GOLGA1: variants seen among roughly 807,000 people sequenced by gnomAD.
The protein encoded by GOLGA1 is golgin A1, also known as golgin subfamily A member 1.
GOLGA1 carries 63 observed loss-of-function variants against 119.7 expected under a neutral mutation model. The ratio of observed to expected loss-of-function variants is 0.53; its 90% CI spans 0.43 to 0.65. The LOEUF (loss-of-function observed/expected upper bound fraction) is 0.65, where lower values mean the gene tolerates loss of function less well. Among genes scored for constraint, GOLGA1 ranks in the 30% least tolerant of loss-of-function variants. GOLGA1 has a pLI of 0.00. For synonymous variants in GOLGA1, 318 were observed against 333.4 expected, an observed-to-expected ratio of 0.95 and a Z score of 0.50; for missense variants, 798 against 912.8, an observed-to-expected ratio of 0.87 and a Z score of 1.62.
At chr9:124,926,800 T>C in intron 6 of GOLGA1, 59 bp from the exon 7 acceptor site, 2 of 890,910 alleles carry the variant, frequency 2.2e-6, no homozygotes, top group East Asian at 5.6e-5. Context: ...AATACCAAGA[T>C]TTTCAGAAAA....
At chr9:124,905,077 C>T (rs1161079175) in intron 12 of GOLGA1, among the ~76,000 whole-genome samples, 2 of 150,446 alleles carry the variant, frequency 1.3e-5, no homozygotes, top group South Asian at 2.1e-4. Flanking sequence ...GCCTGGGAGG[C>T]GGAGGTTGTG....
intron 19 of GOLGA1, among the ~76,000 whole-genome samples, chr9:124,886,805 G>A (rs1310529177): frequency 6.6e-6 from 1 of 152,130 alleles, no homozygotes; most frequent in Non-Finnish European, 1.5e-5. Flanking sequence ...GGGAGCACCA[G>A]GGTGGGTGAG....
At chr9:124,913,891 A>G (rs1201877173) in intron 10 of GOLGA1, among the ~76,000 whole-genome samples, 1 of 152,230 alleles carries the variant, frequency 6.6e-6, no homozygotes, top group Admixed American at 6.5e-5. Flanking sequence ...AAGAGGAACA[A>G]TCATTCTGCA....
intron 4 of GOLGA1, 95 bp downstream of exon 4, chr9:124,931,221 T>C (rs1793160623): frequency 1.4e-6 from 1 of 697,630 alleles, no homozygotes; most frequent in Admixed American, 2.2e-5. Flanking sequence ...TATGTGAAAA[T>C]AACTATAAAG....
In GOLGA1 at chr9:124,879,016, A is replaced by C. The variant is rs867358990; in HGVS notation, c.*1514T>G. 1 of 152,232 alleles carries C rather than the reference A, an allele frequency of 6.6e-6. No individual in the cohort carries two copies. Among genetic ancestry groups the C allele is most frequent in the Non-Finnish European group, 1.5e-5 (1 of 68,034 alleles). 9.4% of individuals were successfully genotyped at this position (152,232 alleles called of 1,614,324 possible). On this transcript the variant is annotated 3_prime_UTR_variant, in exon 23 of 23. Transcript: ENST00000373555. ...AGTCACTGGAGAAGCGGCCTCTGGA[A>C]GGCAGAGAGCCTGAGCTGGGACTAA...
At chr9:124,931,763 G>C (rs1282674300) in intron 3 of GOLGA1, among the ~76,000 whole-genome samples, 1 of 152,082 alleles carries the variant, frequency 6.6e-6, no homozygotes, top group Non-Finnish European at 1.5e-5. Context: ...AGAAGGCGGG[G>C]GTTCTTTAGG....
intron 15 of GOLGA1, among the ~76,000 whole-genome samples, chr9:124,893,888 T>A (rs190808258): frequency 6.6e-6 from 1 of 152,194 alleles, no homozygotes; most frequent in Non-Finnish European, 1.5e-5. Flanking sequence ...AGATGTTCTC[T>A]TATTTTGGCC....
At position 124,921,704 on chromosome 9, in the gene GOLGA1, C is replaced by G; in HGVS notation, c.731+19G>C. 1 of 1,603,174 alleles carries G rather than the reference C, an allele frequency of 6.2e-7. No homozygotes were observed. Among genetic ancestry groups the G allele is most frequent in the Non-Finnish European group, 8.5e-7 (1 of 1,172,294 alleles). On this transcript the variant is annotated intron_variant, in intron 9 of 22. Transcript: ENST00000373555. ...ACACTAACACCTCTTCCCAAGGGCC[C>G]CACAGACCAAGCAAGAACCTCTGCT...
intron 15 of GOLGA1, among the ~76,000 whole-genome samples, chr9:124,895,055 TCCACAACAGAGAACCAC>T (rs1393620162): frequency 7.5e-6 from 1 of 132,800 alleles, no homozygotes. Flanking sequence ...CAAAGAACCA[TCCACAACAGAGAACCAC>T]CCACAACAAA....
At chr9:124,943,017 A>G (rs1397028416), upstream of GOLGA1, 2 of 152,264 alleles carry the variant, frequency 1.3e-5, no homozygotes, top group Non-Finnish European at 2.9e-5. Context: ...ACTCAAGAAA[A>G]TAAAATGTTT....
chr9:124,929,115 G>A, intron 5 of GOLGA1, 101 bp downstream of exon 5: 1 of 722,248 alleles, frequency 1.4e-6, no homozygotes, highest in Non-Finnish European at 2.5e-6. Flanking sequence ...ATAAAATAAA[G>A]ATTTGTGCTT....
intron 19 of GOLGA1, among the ~76,000 whole-genome samples, chr9:124,883,158 GACACGA>G (rs2131359427): frequency 6.6e-6 from 1 of 151,206 alleles, no homozygotes; most frequent in East Asian, 2.0e-4. Context: ...GGAGTGCAAT[GACACGA>G]TCTCAGCTCA....
At chr9:124,917,799 G>C (rs115507447) in intron 10 of GOLGA1, among the ~76,000 whole-genome samples, 2 of 151,926 alleles carry the variant, frequency 1.3e-5, no homozygotes, top group Non-Finnish European at 2.9e-5. Flanking sequence ...GCACTGTATC[G>C]AGTGTTACTT....
At position 124,881,785 on chromosome 9, in the gene GOLGA1, T is replaced by C. The variant is rs1324284663; in HGVS notation, c.2135A>G (p.Glu712Gly). 6.2e-7 allele frequency: 1 copy of C among 1,607,796 alleles called. No homozygotes were observed. Among genetic ancestry groups the C allele is most frequent in the Non-Finnish European group, 8.5e-7 (1 of 1,176,658 alleles). ...VLKFMSCRES[E>G]AFHLIKAVSV... ...AAAGACACCTCAAAAGCCCTTTACC[T>C]CGGATTCGCGACAAGACATGAATTT... The change falls in exon 21 of 23, where the codon GAG (glutamate) becomes GGG (glycine). Residue 712 changes from glutamate to glycine, a missense_variant and splice_region_variant. Coordinates refer to ENST00000373555, the MANE Select transcript of GOLGA1 (RefSeq NM_002077.4). This position sits in a 1 kb window ranked among gnomAD's most constrained non-coding sequence, Gnocchi z 4.9.
intron 19 of GOLGA1, among the ~76,000 whole-genome samples, chr9:124,886,936 T>C (rs952749019): frequency 8.5e-5 from 13 of 152,068 alleles, no homozygotes; most frequent in Non-Finnish European, 1.9e-4. Flanking sequence ...CGCAGGACCA[T>C]GGTCCTGAGC....
chr9:124,886,486 T>G (rs942681863), intron 19 of GOLGA1, among the ~76,000 whole-genome samples: 2 of 151,854 alleles, frequency 1.3e-5, no homozygotes, highest in African/African-American at 2.4e-5. Flanking sequence ...TTGACAAGAG[T>G]GTTTTTCTGT....
Position 124,924,407 on chromosome 9 carries a change from A to G in GOLGA1, c.433-1184T>C, listed in dbSNP as rs1432583814. Among the ~76,000 whole-genome samples the G allele has an allele frequency of 5.3e-5, 8 of 152,170 alleles. No individual in the cohort carries two copies. In the East Asian group the frequency reaches 1.5e-3, roughly 29 times the overall value. ...CACTTTGGGAGGCCAAGGTGGGCCT[A>G]TCGGTTGAGCACAGGAGTTGGAGAC... is the stretch of plus-strand genomic sequence containing the variant. On this transcript the variant is annotated intron_variant, in intron 7 of 22. Coordinates refer to ENST00000373555, the MANE Select transcript of GOLGA1 (RefSeq NM_002077.4).
At chr9:124,927,066 G>A (rs1010849325) in intron 6 of GOLGA1, among the ~76,000 whole-genome samples, 3 of 152,100 alleles carry the variant, frequency 2.0e-5, no homozygotes, top group Non-Finnish European at 4.4e-5. Flanking sequence ...TGGGAGTTTT[G>A]CCATGAGTAC....
intron 19 of GOLGA1, among the ~76,000 whole-genome samples, chr9:124,887,194 C>G (rs1448231787): frequency 3.3e-5 from 5 of 152,164 alleles, no homozygotes; most frequent in African/African-American, 1.2e-4. Context: ...GCCAGAGGCT[C>G]AAGGGACGGA....
Sources: gnomAD v4.1 joint callset for allele counts (sites outside exome capture counted in the v4.1 genomes callset) on GRCh38, gnomAD v4.1.1 for gene constraint, Gnocchi (gnomAD v3.1) non-coding constraint, MANE v1.5 for transcripts, NCBI Gene and HGNC (gene_info 2026-07-23, HGNC 2026-07-21) for gene names.